The following CDH10 variants were observed in gnomAD, a reference collection of about 807,000 sequenced individuals.
The protein encoded by CDH10 is cadherin 10.
CDH10 carries 30 observed loss-of-function variants against 73.1 expected under a neutral mutation model. The observed-to-expected ratio is 0.41, with a 90% confidence interval of 0.31 to 0.56. The LOEUF (loss-of-function observed/expected upper bound fraction) is 0.56, where lower values mean the gene tolerates loss of function less well. CDH10 is among the 20% of genes least tolerant of loss of function. CDH10 has a pLI of 0.27. For missense variants in CDH10, 815 were observed against 973.7 expected (o/e 0.84, Z 2.17); for synonymous variants, 345 against 348.2 (o/e 0.99, Z 0.10).
At chr5:24,490,908 CCTTTGT>C (rs1248464166) in intron 11 of CDH10, among the ~76,000 whole-genome samples, 2 of 152,076 alleles carry the variant, frequency 1.3e-5, no homozygotes, top group Non-Finnish European at 2.9e-5. Context: ...ATCAACTTAA[CCTTTGT>C]CTTTGTTGCT....
At chr5:24,602,617 T>C (rs947062854) in intron 1 of CDH10, among the ~76,000 whole-genome samples, 4 of 152,128 alleles carry the variant, frequency 2.6e-5, no homozygotes, top group African/African-American at 9.7e-5. Flanking sequence ...TTGCATTGCA[T>C]TGCATGTGTG....
At chr5:24,555,339 C>A (rs1382849101) in intron 2 of CDH10, among the ~76,000 whole-genome samples, 1 of 152,130 alleles carries the variant, frequency 6.6e-6, no homozygotes, top group East Asian at 1.9e-4. Context: ...ACAAAGACTG[C>A]AAGCTATACA....
intron 8 of CDH10, among the ~76,000 whole-genome samples, chr5:24,502,818 T>C (rs1742546187): frequency 6.6e-6 from 1 of 152,174 alleles, no homozygotes; most frequent in Non-Finnish European, 1.5e-5. Flanking sequence ...GATTGGATCA[T>C]GTTAGGTACA....
chr5:24,599,965 T>C (rs1177387761), intron 1 of CDH10, among the ~76,000 whole-genome samples: 11 of 152,278 alleles, frequency 7.2e-5, no homozygotes, highest in Middle Eastern at 3.4e-3. Context: ...ATTATGCATG[T>C]GTAGCTGAAA....
chr5:24,504,813 C>A (rs970308163), intron 8 of CDH10, among the ~76,000 whole-genome samples: 3 of 151,746 alleles, frequency 2.0e-5, no homozygotes, highest in Non-Finnish European at 2.9e-5. Flanking sequence ...CGTGAGCCAC[C>A]GTGCCCGGCC....
chr5:24,504,513 T>G (rs1379191504), intron 8 of CDH10, among the ~76,000 whole-genome samples: 975 of 23,108 alleles, frequency 0.042, 264 homozygotes, highest in African/African-American at 0.11. Context: ...AATCTTTTTT[T>G]TTTTTTTTTT....
intron 1 of CDH10, chr5:24,612,359 T>C (rs1477494815): frequency 6.6e-6 from 1 of 152,176 alleles, no homozygotes; most frequent in Non-Finnish European, 1.5e-5. Context: ...AATATGATAT[T>C]CCAAAAAGGA....
intron 2 of CDH10, among the ~76,000 whole-genome samples, chr5:24,566,127 C>A (rs1745157718): frequency 6.6e-6 from 1 of 152,124 alleles, no homozygotes; most frequent in East Asian, 1.9e-4. Context: ...CAGCTCACTG[C>A]AATCTCTGTC....
intron 2 of CDH10, among the ~76,000 whole-genome samples, chr5:24,566,568 G>A (rs1045967486): frequency 6.6e-6 from 1 of 151,984 alleles, no homozygotes; most frequent in African/African-American, 2.4e-5. Flanking sequence ...ATAGTCAGTC[G>A]ACTTTTGTCC....
chr5:24,619,720 T>A (rs1257048215), intron 1 of CDH10, among the ~76,000 whole-genome samples: 2 of 152,098 alleles, frequency 1.3e-5, no homozygotes, highest in Non-Finnish European at 2.9e-5. Flanking sequence ...CCCAAGATAA[T>A]GATATTACAA....
intron 2 of CDH10, among the ~76,000 whole-genome samples, chr5:24,582,714 A>G (rs755272245): frequency 7.2e-5 from 11 of 152,246 alleles, no homozygotes; most frequent in Non-Finnish European, 1.3e-4. Context: ...AGAAAGATTG[A>G]CAAAGGATCT....
chr5:24,572,803 T>C (rs1745436301), intron 2 of CDH10, among the ~76,000 whole-genome samples: 1 of 151,858 alleles, frequency 6.6e-6, no homozygotes, highest in African/African-American at 2.4e-5. Context: ...TCACACCATA[T>C]TCACATAGAC....
At chr5:24,490,124 T>C (rs1375716801) in intron 11 of CDH10, among the ~76,000 whole-genome samples, 1 of 152,136 alleles carries the variant, frequency 6.6e-6, no homozygotes, top group African/African-American at 2.4e-5. Context: ...CTTACTACCA[T>C]TAATATTATT....
At chr5:24,623,916 C>T (rs1747399635) in intron 1 of CDH10, among the ~76,000 whole-genome samples, 1 of 151,994 alleles carries the variant, frequency 6.6e-6, no homozygotes, top group South Asian at 2.1e-4. Flanking sequence ...TGAACTGTAC[C>T]TTATCTAGTG....
intron 2 of CDH10, among the ~76,000 whole-genome samples, chr5:24,576,021 C>T (rs899215423): frequency 1.3e-5 from 2 of 152,044 alleles, no homozygotes; most frequent in African/African-American, 4.8e-5. Context: ...TGAATTAACC[C>T]AAAGAGCTAT....
At chr5:24,488,731 T>TA (rs888617015) in intron 11 of CDH10, among the ~76,000 whole-genome samples, 4 of 151,934 alleles carry the variant, frequency 2.6e-5, no homozygotes, top group African/African-American at 4.8e-5. Context: ...ACAGATTAGT[T>TA]AGAGTTAGAT....
At chr5:24,537,867 T>C (rs1252036551) in intron 2 of CDH10, among the ~76,000 whole-genome samples, 193 bp from the exon 3 acceptor site, 2 of 152,052 alleles carry the variant, frequency 1.3e-5, no homozygotes, top group African/African-American at 4.8e-5. Flanking sequence ...CTTTTATATA[T>C]CAGGATACTT....
chr5:24,528,022 G>A (rs150468106), intron 5 of CDH10, among the ~76,000 whole-genome samples: 1 of 151,908 alleles, frequency 6.6e-6, no homozygotes, highest in African/African-American at 2.4e-5. Context: ...ACATAGTAGG[G>A]CTTCGGTCAA....
chr5:24,605,468 A>G (rs1407502102), intron 1 of CDH10, among the ~76,000 whole-genome samples: 2 of 152,216 alleles, frequency 1.3e-5, no homozygotes, highest in African/African-American at 4.8e-5. Flanking sequence ...TTGCCTGACA[A>G]TCTGAGGTGG....
Sources: allele counts gnomAD v4.1 joint callset (sites outside exome capture counted in the v4.1 genomes callset), GRCh38; gene constraint gnomAD v4.1.1; transcripts MANE v1.5; gene names NCBI Gene and HGNC (gene_info 2026-07-23, HGNC 2026-07-21).